SOX5: variants seen among roughly 807,000 people sequenced by gnomAD.
The protein encoded by SOX5 is SRY-box transcription factor 5, also known as transcription factor SOX-5.
SOX5 carries 9 observed loss-of-function variants against 92.0 expected under a neutral mutation model. The observed-to-expected ratio is 0.10, with a 90% CI of 0.06 to 0.17. The LOEUF is 0.17. SOX5 is among the 10% of genes least tolerant of loss of function. The pLI, the probability that SOX5 is intolerant of heterozygous loss-of-function variation, is 1.00. For missense variants in SOX5, 642 were observed against 944.5 expected, an observed-to-expected ratio of 0.68 and a Z score of 4.20; for synonymous variants, 344 against 336.3, an observed-to-expected ratio of 1.02 and a Z score of -0.25.
chr12:23,909,355 T>A (rs1399617696), intron 1 of SOX5, among the ~76,000 whole-genome samples: 1 of 152,188 alleles, frequency 6.6e-6, no homozygotes, highest in Non-Finnish European at 1.5e-5. Flanking sequence ...TAGTTTTAGA[T>A]GGTAATATAA....
chr12:23,600,627 C>T lies in SOX5; in HGVS notation c.1164+3760G>A, dbSNP rs190600175. Among the ~76,000 whole-genome samples, 4 of 146,924 alleles carry T rather than the reference C, an allele frequency of 2.7e-5. No individual in the cohort carries two copies. The Admixed American group carries it at 2.8e-4, about 10-fold the overall frequency. On this transcript the variant is annotated intron_variant, in intron 9 of 14. Coordinates refer to ENST00000451604, the MANE Select transcript of SOX5 (RefSeq NM_006940.6). ...AAGTAACTCATGACAATATGTCAGG[C>T]ATTAGTGCAAACAGTTCACAAACAG...
intron 10 of SOX5, among the ~76,000 whole-genome samples, chr12:23,568,846 AATTCATGTCT>A (rs1211543147): frequency 6.6e-6 from 1 of 151,690 alleles, no homozygotes; most frequent in African/African-American, 2.4e-5. Flanking sequence ...ACACTCTTTG[AATTCATGTCT>A]ATTCTCTTTC....
chr12:24,341,100 AG>A (rs1952524298), intron 2 of SOX5, among the ~76,000 whole-genome samples: 1 of 152,226 alleles, frequency 6.6e-6, no homozygotes, highest in Non-Finnish European at 1.5e-5. Flanking sequence ...TTGGGTTGTG[AG>A]GTAATTTCAT....
intron 2 of SOX5, among the ~76,000 whole-genome samples, chr12:23,853,101 A>G (rs1321951752): frequency 6.7e-6 from 1 of 150,314 alleles, no homozygotes; most frequent in African/African-American, 2.4e-5. Context: ...GTCAGCACAC[A>G]TGCAAAAATT....
At chr12:23,598,394 T>G (rs1443656256) in intron 9 of SOX5, among the ~76,000 whole-genome samples, 6 of 72,016 alleles carry the variant, frequency 8.3e-5, no homozygotes, top group South Asian at 6.1e-4. Context: ...TATCTTTTTT[T>G]TTTTTTTTTT....
chr12:23,533,899 A>G lies in SOX5; in HGVS notation c.*320T>C, dbSNP rs1939614273. 9.2e-6 allele frequency: 2 copies of G among 218,018 alleles called. No individual in the cohort carries two copies. The highest frequency in any genetic ancestry group is 1.8e-5 in the Non-Finnish European group (2 of 108,892). 13.5% of individuals were successfully genotyped at this position (218,018 alleles called of 1,614,324 possible). Reference sequence around the variant, plus strand: ...AGAACATTGTAGAACAAACAGCCATAAAGTTTATTTAAAAAAAAAAAAAAG... The same window carrying G: ...AGAACATTGTAGAACAAACAGCCATGAAGTTTATTTAAAAAAAAAAAAAAG... On this transcript the variant is annotated 3_prime_UTR_variant, in exon 15 of 15. Coordinates refer to ENST00000451604, the MANE Select transcript of SOX5 (RefSeq NM_006940.6).
chr12:23,793,500 C>A (rs899351550), intron 3 of SOX5, among the ~76,000 whole-genome samples: 1 of 152,074 alleles, frequency 6.6e-6, no homozygotes, highest in African/African-American at 2.4e-5. Context: ...CTATACTGGA[C>A]TGAAGGAAAA....
intron 5 of SOX5, among the ~76,000 whole-genome samples, chr12:23,736,589 A>AAATTTAT: frequency 6.6e-6 from 1 of 152,220 alleles, no homozygotes; most frequent in Non-Finnish European, 1.5e-5. Flanking sequence ...CTGCGCAAAA[A>AAATTTAT]AATTTATTTC....
intron 10 of SOX5, among the ~76,000 whole-genome samples, chr12:23,571,486 C>A (rs765376999): frequency 1.3e-5 from 2 of 152,124 alleles, no homozygotes; most frequent in East Asian, 3.9e-4. Context: ...ATCCTCCAGA[C>A]TAAGCAAAAC....
intron 4 of SOX5, among the ~76,000 whole-genome samples, chr12:23,987,568 G>A (rs182692399): frequency 3.4e-4 from 52 of 152,258 alleles, no homozygotes; most frequent in Admixed American, 4.6e-4. Flanking sequence ...CAAGGTGGGC[G>A]GATAGCTTTA....
intron 2 of SOX5, among the ~76,000 whole-genome samples, chr12:24,323,091 A>G (rs1210011093): frequency 6.6e-6 from 1 of 152,016 alleles, no homozygotes; most frequent in Non-Finnish European, 1.5e-5. Context: ...ATTGTTAGAA[A>G]TGCATAATCA....
intron 2 of SOX5, among the ~76,000 whole-genome samples, chr12:24,363,434 G>T (rs949126033): frequency 5.9e-5 from 9 of 152,082 alleles, no homozygotes; most frequent in Non-Finnish European, 1.0e-4. Flanking sequence ...GCTTACCTAA[G>T]TCACCATTTA....
intron 1 of SOX5, among the ~76,000 whole-genome samples, chr12:24,515,750 A>G (rs1004376557): frequency 2.6e-5 from 4 of 152,180 alleles, no homozygotes; most frequent in African/African-American, 9.6e-5. Context: ...CACTTTGTCT[A>G]TATACATTTC....
At chr12:24,380,473 C>A (rs571581212) in intron 1 of SOX5, among the ~76,000 whole-genome samples, 1 of 152,346 alleles carries the variant, frequency 6.6e-6, no homozygotes, top group South Asian at 2.1e-4. Flanking sequence ...AAAGGAGTTA[C>A]TGTCAAAACA....
At chr12:23,759,375 T>C (rs1039034750) in intron 3 of SOX5, among the ~76,000 whole-genome samples, 10 of 151,984 alleles carry the variant, frequency 6.6e-5, no homozygotes, top group Middle Eastern at 3.2e-3. Context: ...TCAAACAACC[T>C]GGGTTCTCTC....
chr12:24,294,605 A>G (rs151164036), intron 2 of SOX5, among the ~76,000 whole-genome samples: 1 of 152,080 alleles, frequency 6.6e-6, no homozygotes, highest in African/African-American at 2.4e-5. Context: ...ACCAAAATGC[A>G]CAGCGTCCAG....
At chr12:24,189,534 C>T (rs1246072772) in intron 4 of SOX5, among the ~76,000 whole-genome samples, 1 of 152,132 alleles carries the variant, frequency 6.6e-6, no homozygotes, top group Admixed American at 6.6e-5. Context: ...TCTTAAGTCT[C>T]ATCTGGGAGG....
At chr12:23,747,082 CTT>C (rs200958342) in intron 4 of SOX5, among the ~76,000 whole-genome samples, 1,689 of 152,158 alleles carry the variant, frequency 0.011, 36 homozygotes, top group African/African-American at 0.039. Context: ...TCGGGTATGT[CTT>C]TATCAGCAGC....
At chr12:23,762,660 G>C (rs16926713) in intron 3 of SOX5, 9,809 of 475,470 alleles carry the variant, frequency 0.021, 146 homozygotes, top group Non-Finnish European at 0.028. Flanking sequence ...AATTTTTAAT[G>C]TGAAGTTTTT....
Sources: allele counts gnomAD v4.1 joint callset (sites outside exome capture counted in the v4.1 genomes callset), GRCh38; gene constraint gnomAD v4.1.1; transcripts MANE v1.5; gene names NCBI Gene and HGNC (gene_info 2026-07-23, HGNC 2026-07-21).